The following PRKCE variants were observed in gnomAD, a reference collection of about 807,000 sequenced individuals.
PRKCE encodes the protein protein kinase C epsilon type.
A neutral mutation model predicts 85.4 loss-of-function variants in PRKCE; 16 were observed. That is an observed-to-expected ratio of 0.19 (90% confidence interval 0.13 to 0.28). The LOEUF is 0.28. Among genes scored for constraint, PRKCE ranks in the 10% least tolerant of loss-of-function variants. PRKCE has a pLI of 1.00. For synonymous variants in PRKCE, 388 were observed against 371.5 expected, an observed-to-expected ratio of 1.04 and a Z score of -0.51; for missense variants, 573 against 975.2, an observed-to-expected ratio of 0.59 and a Z score of 5.49.
intron 14 of PRKCE, among the ~76,000 whole-genome samples, chr2:46,182,401 C>T (rs893988559): frequency 6.6e-6 from 1 of 152,170 alleles, no homozygotes. Context: ...TCCTCTTGTT[C>T]TGTACACACT....
intron 1 of PRKCE, among the ~76,000 whole-genome samples, chr2:45,729,161 G>GGA (rs1681343835): frequency 6.6e-6 from 1 of 152,212 alleles, no homozygotes; most frequent in Non-Finnish European, 1.5e-5. Context: ...CAGAGGCATT[G>GGA]TCCTTGGGAC....
intron 1 of PRKCE, among the ~76,000 whole-genome samples, chr2:45,815,200 C>T (rs892486352): frequency 6.6e-6 from 1 of 152,180 alleles, no homozygotes; most frequent in Non-Finnish European, 1.5e-5. Context: ...CCAGTTACCC[C>T]CCTTCTTTGG....
At chr2:45,844,857 G>C (rs1192916847) in intron 2 of PRKCE, among the ~76,000 whole-genome samples, 1 of 152,132 alleles carries the variant, frequency 6.6e-6, no homozygotes, top group East Asian at 1.9e-4. Flanking sequence ...AAATAAATCA[G>C]AAGCAATTGA....
intron 2 of PRKCE, among the ~76,000 whole-genome samples, chr2:45,851,227 A>G (rs1247575516): frequency 2.0e-5 from 3 of 152,236 alleles, no homozygotes; most frequent in African/African-American, 7.2e-5. Flanking sequence ...ATTCATTTGA[A>G]CAGGAGATAA....
intron 9 of PRKCE, 102 bp downstream of exon 9, chr2:46,007,763 T>C (rs1266082000): frequency 8.1e-5 from 105 of 1,297,438 alleles, no homozygotes; most frequent in Non-Finnish European, 1.1e-4. Flanking sequence ...CAGCCTGATC[T>C]CGTTAGGTTT....
At position 46,001,355 on chromosome 2, in the gene PRKCE, A is replaced by G. The variant is rs1292308559; in HGVS notation, c.824-49A>G. ...TACAATCTCAAAGAAAAGAAGCAAC[A>G]TCTTAGGCCATGAACACTTATCTGT... On this transcript the variant is annotated intron_variant, in intron 6 of 14. Transcript: ENST00000306156. The surrounding 1 kb of genome is among the most constrained non-coding windows in gnomAD (Gnocchi z 4.4). 1.3e-6 allele frequency: 2 copies of G among 1,547,178 alleles called. No homozygotes were observed. The highest frequency in any genetic ancestry group is 1.7e-6 in the Non-Finnish European group (2 of 1,145,686).
At position 46,121,046 on chromosome 2, in the gene PRKCE, A is replaced by G. The variant is rs142559706; in HGVS notation, c.1593-24047A>G. ...TAAAATTTATTGTCTAAGAAAGCAT[A>G]GGAGCCTTTTGGACTACTTGGATTC... On this transcript the variant is annotated intron_variant, in intron 11 of 14. Coordinates refer to ENST00000306156, the MANE Select transcript of PRKCE (RefSeq NM_005400.3). Among the ~76,000 whole-genome samples the G allele has an allele frequency of 4.1e-3, 627 of 152,366 alleles. 4 individuals are homozygous for G. Among genetic ancestry groups the G allele is most frequent in the African/African-American group, 0.014 (599 of 41,592 alleles).
chr2:45,868,456 T>A (rs1002280878), intron 2 of PRKCE, among the ~76,000 whole-genome samples: 1 of 150,338 alleles, frequency 6.7e-6, no homozygotes, highest in African/African-American at 2.4e-5. Flanking sequence ...CCTTTTTCCC[T>A]CCTGCCACAG....
At chr2:45,826,456 G>T (rs1391308773) in intron 1 of PRKCE, among the ~76,000 whole-genome samples, 1 of 152,152 alleles carries the variant, frequency 6.6e-6, no homozygotes, top group Non-Finnish European at 1.5e-5. Flanking sequence ...TTTGGGTTAG[G>T]TTTTATTGCT....
chr2:45,774,275 G>A lies in PRKCE; in HGVS notation c.349-68725G>A, dbSNP rs1358814951. 2.6e-5 allele frequency among the ~76,000 whole-genome samples: 4 copies of A among 152,142 alleles called. No homozygotes were observed. Among genetic ancestry groups the A allele is most frequent in the Admixed American group, 6.5e-5 (1 of 15,286 alleles). Reference sequence around the variant, plus strand: ...CTCAGCAGCTGCTTCACAGCCTCACGGGAGGTGATCGGACACCAGCCTGGC... The same window carrying A: ...CTCAGCAGCTGCTTCACAGCCTCACAGGAGGTGATCGGACACCAGCCTGGC... On this transcript the variant is annotated intron_variant, in intron 1 of 14. Transcript: ENST00000306156. The surrounding 1 kb of genome is among the most constrained non-coding windows in gnomAD (Gnocchi z 4.3).
chr2:45,819,845 G>A (rs1243409111), intron 1 of PRKCE, among the ~76,000 whole-genome samples: 1 of 152,166 alleles, frequency 6.6e-6, no homozygotes, highest in African/African-American at 2.4e-5. Context: ...GGTAAATGAA[G>A]AACAATAGTA....
intron 1 of PRKCE, among the ~76,000 whole-genome samples, chr2:45,664,676 G>A (rs1351477301): frequency 6.6e-6 from 1 of 152,174 alleles, no homozygotes; most frequent in East Asian, 1.9e-4. Flanking sequence ...CCTTCCCTTG[G>A]ACTGGCTTCT....
chr2:45,889,881 G>A (rs867149252), intron 2 of PRKCE, among the ~76,000 whole-genome samples: 5 of 152,198 alleles, frequency 3.3e-5, no homozygotes, highest in African/African-American at 4.8e-5. Context: ...TGCATGAGCC[G>A]TGCAGAGGAT....
chr2:45,928,289 A>T (rs949850836), intron 2 of PRKCE, among the ~76,000 whole-genome samples: 2 of 152,192 alleles, frequency 1.3e-5, no homozygotes, highest in Non-Finnish European at 2.9e-5. Context: ...TCTTTTTGAG[A>T]TAGAATCTCC....
intron 14 of PRKCE, among the ~76,000 whole-genome samples, chr2:46,182,716 G>A (rs981339020): frequency 2.6e-5 from 4 of 152,176 alleles, no homozygotes; most frequent in Non-Finnish European, 4.4e-5. Flanking sequence ...AACCTGGGAC[G>A]AGTTGAAAAC....
At chr2:46,085,753 T>TG (rs1457867006) in intron 10 of PRKCE, among the ~76,000 whole-genome samples, 177 of 14,142 alleles carry the variant, frequency 0.013, 16 homozygotes, top group African/African-American at 0.037. Flanking sequence ...TTTTTTGTTT[T>TG]TGTTTTTTTT....
At chr2:45,942,616 C>A (rs1699965543) in intron 2 of PRKCE, among the ~76,000 whole-genome samples, 1 of 152,100 alleles carries the variant, frequency 6.6e-6, no homozygotes, top group Admixed American at 6.6e-5. Flanking sequence ...TGACGAGGTC[C>A]CCGCAGGAAG....
intron 10 of PRKCE, among the ~76,000 whole-genome samples, chr2:46,031,933 T>G (rs539378590): frequency 6.6e-6 from 1 of 152,170 alleles, no homozygotes; most frequent in African/African-American, 2.4e-5. Context: ...CAAACTCATC[T>G]CACAGCCTCT....
intron 11 of PRKCE, among the ~76,000 whole-genome samples, chr2:46,087,024 G>T (rs1669711736): frequency 6.6e-6 from 1 of 152,152 alleles, no homozygotes; most frequent in African/African-American, 2.4e-5. Flanking sequence ...GTGAGGTCAG[G>T]AATTCTGGGA....
Sources: gnomAD v4.1 joint callset for allele counts (sites outside exome capture counted in the v4.1 genomes callset) on GRCh38, gnomAD v4.1.1 for gene constraint, Gnocchi (gnomAD v3.1) non-coding constraint, MANE v1.5 for transcripts, NCBI Gene and HGNC (gene_info 2026-07-23, HGNC 2026-07-21) for gene names.